Variants in UNC79 observed in about 807,000 individuals in gnomAD.
The protein encoded by UNC79 is unc-79 subunit of NALCN channel complex, also known as protein unc-79 homolog.
In UNC79, 37 loss-of-function variants were observed where a neutral mutation model predicts 283.1. That is an observed-to-expected ratio of 0.13 (90% CI 0.10 to 0.17). The LOEUF is 0.17. Among genes scored for constraint, UNC79 ranks in the 10% least tolerant of loss-of-function variants. The probability of loss-of-function intolerance (pLI) is 1.00; values close to 1 mark genes in which losing one functional copy is unlikely to be tolerated. For synonymous variants in UNC79, 1,107 were observed against 1,200.2 expected (o/e 0.92, Z 1.61); for missense variants, 2,272 against 3,211.1 (o/e 0.71, Z 7.07).
chr14:93,403,840 G>A (rs974954180), intron 1 of UNC79, among the ~76,000 whole-genome samples: 2 of 150,836 alleles, frequency 1.3e-5, no homozygotes, highest in African/African-American at 4.9e-5. Flanking sequence ...CATCTTGAAA[G>A]TGTTGAAGTG....
chr14:93,399,359 A>G (rs188858330), intron 1 of UNC79, among the ~76,000 whole-genome samples: 15 of 152,338 alleles, frequency 9.8e-5, no homozygotes, highest in African/African-American at 3.6e-4. Flanking sequence ...TGGGAATAAG[A>G]AAATTTTTAA....
At chr14:93,452,680 A>G (rs919708728) in intron 1 of UNC79, among the ~76,000 whole-genome samples, 1 of 152,160 alleles carries the variant, frequency 6.6e-6, no homozygotes, top group South Asian at 2.1e-4. Flanking sequence ...GAGCCACTGC[A>G]CCTGGCCGAA....
chr14:93,588,054 T>C (rs2064343601), intron 22 of UNC79, among the ~76,000 whole-genome samples: 1 of 152,172 alleles, frequency 6.6e-6, no homozygotes, highest in Non-Finnish European at 1.5e-5. Flanking sequence ...CAGGGCATAC[T>C]TGGGGGATAC....
intron 1 of UNC79, among the ~76,000 whole-genome samples, chr14:93,418,706 C>G (rs2055521280): frequency 6.6e-6 from 1 of 151,844 alleles, no homozygotes. Flanking sequence ...CTTTGTTTAC[C>G]TAAGCAAGCC....
intron 1 of UNC79, among the ~76,000 whole-genome samples, chr14:93,354,460 C>T (rs1349526558): frequency 3.3e-5 from 5 of 152,156 alleles, no homozygotes; most frequent in Non-Finnish European, 7.4e-5. Flanking sequence ...ATTTCAATAT[C>T]CAAGAAAATT....
intron 1 of UNC79, among the ~76,000 whole-genome samples, chr14:93,352,861 T>G (rs1441341794): frequency 6.6e-6 from 1 of 152,216 alleles, no homozygotes; most frequent in African/African-American, 2.4e-5. Context: ...GAAAATGCAT[T>G]TAATCCACCT....
intron 14 of UNC79, among the ~76,000 whole-genome samples, chr14:93,568,759 G>C (rs1470806878): frequency 6.6e-6 from 1 of 152,048 alleles, no homozygotes; most frequent in Non-Finnish European, 1.5e-5. Context: ...TTTCATCTTT[G>C]CCTCACTTTT....
At chr14:93,651,542 T>A (rs1243212849) in intron 35 of UNC79, among the ~76,000 whole-genome samples, 1 of 152,246 alleles carries the variant, frequency 6.6e-6, no homozygotes, top group Non-Finnish European at 1.5e-5. Context: ...GTAAATGGAA[T>A]TTTTAAAAAT....
chr14:93,639,853 T>A (rs2068859731), intron 32 of UNC79, among the ~76,000 whole-genome samples: 1 of 152,232 alleles, frequency 6.6e-6, no homozygotes, highest in Non-Finnish European at 1.5e-5. Context: ...AAACTCATTG[T>A]CTGAATCATT....
chr14:93,646,732 G>A, intron 35 of UNC79, 86 bp downstream of exon 38: 2 of 1,461,896 alleles, frequency 1.4e-6, no homozygotes, highest in Non-Finnish European at 1.9e-6. Flanking sequence ...GTGTGGGGCT[G>A]GGTGCAGTGG....
chr14:93,626,998 A>G (rs2067619860), intron 30 of UNC79, among the ~76,000 whole-genome samples: 1 of 152,148 alleles, frequency 6.6e-6, no homozygotes, highest in Non-Finnish European at 1.5e-5. Context: ...GTAGTGTGCT[A>G]TGATTGCACT....
rs2057361633 is a variant in UNC79, at chr14:93,468,990, G to A, written c.143+1199G>A. Among the ~76,000 whole-genome samples the A allele has an allele frequency of 2.6e-5, 4 of 152,176 alleles. No individual in the cohort carries two copies. In the South Asian group the frequency reaches 6.2e-4, roughly 24 times the overall value. On this transcript the variant is annotated intron_variant, in intron 2 of 48. Transcript: ENST00000555664. ...TTCTGTTCTCTTGAATTCTTCTTTT[G>A]TCTTTGAGGTCCAAGTTCTCAATGG...
intron 1 of UNC79, among the ~76,000 whole-genome samples, chr14:93,415,598 A>C (rs1197802421): frequency 1.6e-4 from 25 of 151,872 alleles, no homozygotes; most frequent in South Asian, 6.2e-4. Flanking sequence ...AGGAATGGTA[A>C]CAGTTCCTCC....
intron 10 of UNC79, among the ~76,000 whole-genome samples, chr14:93,530,866 C>A (rs759740408): frequency 6.6e-6 from 1 of 151,318 alleles, no homozygotes; most frequent in Non-Finnish European, 1.5e-5. Context: ...CCGAGATCGC[C>A]CCACTGCACT....
chr14:93,676,960 A>G (rs572212967), intron 41 of UNC79, among the ~76,000 whole-genome samples: 1 of 152,322 alleles, frequency 6.6e-6, no homozygotes, highest in Admixed American at 6.5e-5. Flanking sequence ...AAAATTATTC[A>G]GATTGAAGGG....
At position 93,531,939 on chromosome 14, in the gene UNC79, A is replaced by G. The variant is rs571548652; in HGVS notation, c.1094-611A>G. ...TTTAACAAGATTTGATTTCTAAGTC[A>G]TGTCTGAAAAGATTAAATTATTTGT... On this transcript the variant is annotated intron_variant, in intron 10 of 48. Coordinates refer to ENST00000555664, the Ensembl canonical transcript of UNC79. This position sits in a 1 kb window ranked among gnomAD's most constrained non-coding sequence, Gnocchi z 4.2. 1.2e-4 allele frequency among the ~76,000 whole-genome samples: 19 copies of G among 152,328 alleles called. No homozygotes were observed. The South Asian group carries it at 3.9e-3, about 32-fold the overall frequency.
chr14:93,677,101 C>G (rs375292427), intron 41 of UNC79, among the ~76,000 whole-genome samples: 1 of 152,114 alleles, frequency 6.6e-6, no homozygotes, highest in African/African-American at 2.4e-5. Flanking sequence ...AAAAATTAAG[C>G]CATTTCAAAG....
chr14:93,706,563 A>G, intron 48 of UNC79, 141 bp from the exon 52 acceptor site: 1 of 870,188 alleles, frequency 1.1e-6, no homozygotes, highest in Admixed American at 2.4e-5. Flanking sequence ...GGGCACTGCC[A>G]GAGTAGAGAG....
intron 7 of UNC79, among the ~76,000 whole-genome samples, chr14:93,514,073 A>C (rs976893471): frequency 1.7e-4 from 26 of 152,242 alleles, no homozygotes; most frequent in Non-Finnish European, 1.8e-4. Context: ...AGTAAGCATA[A>C]GAAAATAAAT....
Sources: allele counts gnomAD v4.1 joint callset (sites outside exome capture counted in the v4.1 genomes callset), GRCh38; gene constraint gnomAD v4.1.1; non-coding constraint Gnocchi (gnomAD v3.1); transcripts MANE v1.5; gene names NCBI Gene and HGNC (gene_info 2026-07-23, HGNC 2026-07-21).